KCNMA1: variants seen among roughly 807,000 people sequenced by gnomAD.
The protein encoded by KCNMA1 is potassium calcium-activated channel subfamily M alpha 1, also known as Calcium-activated potassium channel subunit alpha-1.
A neutral mutation model predicts 140.0 loss-of-function variants in KCNMA1; 29 were observed. The observed-to-expected ratio is 0.21, with a 90% CI of 0.15 to 0.28. The LOEUF (loss-of-function observed/expected upper bound fraction) is 0.28. Among genes scored for constraint, KCNMA1 ranks in the 10% least tolerant of loss-of-function variants. The pLI is 1.00. For synonymous variants in KCNMA1, 612 were observed against 611.9 expected (o/e 1.00, Z 0.00); for missense variants, 880 against 1,602.2 (o/e 0.55, Z 7.70).
chr10:76,968,305 C>T (rs1043879854), intron 20 of KCNMA1, among the ~76,000 whole-genome samples: 1 of 152,050 alleles, frequency 6.6e-6, no homozygotes, highest in Non-Finnish European at 1.5e-5. Flanking sequence ...TACCCAAGAG[C>T]CAACAGAATA....
At chr10:77,297,451 T>C (rs1016589359) in intron 2 of KCNMA1, among the ~76,000 whole-genome samples, 1 of 152,190 alleles carries the variant, frequency 6.6e-6, no homozygotes, top group Non-Finnish European at 1.5e-5. Context: ...CTTTTATCAT[T>C]TTCCTTCATT....
chr10:77,224,237 C>T (rs73282123), intron 3 of KCNMA1, among the ~76,000 whole-genome samples: 2,574 of 152,324 alleles, frequency 0.017, 68 homozygotes, highest in African/African-American at 0.058. Context: ...CAAGGTGTGA[C>T]CTAGGCCCAT....
intron 1 of KCNMA1, among the ~76,000 whole-genome samples, chr10:77,549,009 A>C (rs117250558): frequency 0.013 from 2,011 of 152,302 alleles, 24 homozygotes; most frequent in Admixed American, 0.03. Flanking sequence ...TGGTGATGCT[A>C]TCTTCCCACT....
intron 12 of KCNMA1, 97 bp downstream of exon 12, chr10:77,084,540 G>A (rs995854766): frequency 6.6e-6 from 6 of 913,492 alleles, no homozygotes; most frequent in Admixed American, 2.0e-5. Flanking sequence ...GGGGCAAAAA[G>A]GCCTCATAGA....
chr10:77,619,715 A>G (rs1057180273), intron 1 of KCNMA1, among the ~76,000 whole-genome samples: 25 of 152,174 alleles, frequency 1.6e-4, no homozygotes, highest in Non-Finnish European at 2.9e-4. Context: ...AGCTGTCTGC[A>G]GAGGAGACAG....
intron 29 of KCNMA1, among the ~76,000 whole-genome samples, chr10:76,879,454 T>G (rs1425093980): frequency 6.6e-6 from 1 of 152,108 alleles, no homozygotes; most frequent in Non-Finnish European, 1.5e-5. Context: ...GCTAACTGAT[T>G]AAGTGCTTTA....
intron 24 of KCNMA1, chr10:76,910,418 G>C: frequency 2.8e-6 from 1 of 353,250 alleles, no homozygotes; most frequent in Admixed American, 3.8e-5. Context: ...ACACTTTCCA[G>C]TGTTTTTTGG....
chr10:77,193,218 C>T (rs2039214293), intron 3 of KCNMA1, among the ~76,000 whole-genome samples: 1 of 152,178 alleles, frequency 6.6e-6, no homozygotes, highest in Non-Finnish European at 1.5e-5. Flanking sequence ...ATGTCCAAGA[C>T]AACCTACCCA....
intron 25 of KCNMA1, chr10:76,904,227 C>T (rs1426550336): frequency 6.6e-6 from 1 of 152,216 alleles, no homozygotes; most frequent in Non-Finnish European, 1.5e-5. Context: ...CCAGAAGCTA[C>T]AAGTCCTAAT....
At chr10:76,889,200 G>T (rs2038805450) in intron 27 of KCNMA1, among the ~76,000 whole-genome samples, 1 of 152,180 alleles carries the variant, frequency 6.6e-6, no homozygotes, top group Admixed American at 6.5e-5. Flanking sequence ...TCAGACTTTT[G>T]TAATTAGGTG....
chr10:77,443,694 G>A (rs2097458684), intron 1 of KCNMA1, among the ~76,000 whole-genome samples: 1 of 152,158 alleles, frequency 6.6e-6, no homozygotes, highest in African/African-American at 2.4e-5. Flanking sequence ...TTCAGAAATG[G>A]CAACATCTGA....
rs569210384 is a variant in KCNMA1 at position 77,433,246 on chromosome 10, G to A, written c.379-29223C>T. Among the ~76,000 whole-genome samples the A allele has an allele frequency of 4.6e-5, 7 of 152,140 alleles. No homozygotes were observed. In the East Asian group the frequency reaches 9.7e-4, roughly 21 times the overall value. ...CCGCTCACTGCAACATCCACCTCCCGGGTTCAAGCAATTCTCACGCCTCAG... is the reference window on the plus strand; with the variant it reads ...CCGCTCACTGCAACATCCACCTCCCAGGTTCAAGCAATTCTCACGCCTCAG... On this transcript the variant is annotated intron_variant, in intron 1 of 27. Transcript: ENST00000286628.
Position 77,251,224 on chromosome 10 carries a change from T to C in KCNMA1, c.573A>G (p.Ala191=), listed in dbSNP as rs1482018453. The stretch of plus-strand genomic sequence containing the variant: ...ATGAATCTATGAAGTATATTACAAG[T>C]GCACCGATGCTGAGAGCAAAGACTA... ...VVLVFALSIG[A]LVIYFIDSSN... is the part of the protein sequence containing the mutation. Residue 191 remains alanine (A), a synonymous_variant, in exon 3 of 28, where the codon GCA becomes GCG. Transcript: ENST00000286628. 6.2e-7 allele frequency: 1 copy of C among 1,612,438 alleles called. No homozygotes were observed.
intron 5 of KCNMA1, among the ~76,000 whole-genome samples, chr10:77,139,265 C>T (rs2098118109): frequency 6.6e-6 from 1 of 152,200 alleles, no homozygotes; most frequent in African/African-American, 2.4e-5. Flanking sequence ...CATTTGGTCT[C>T]TTCTCTCTAG....
At chr10:77,109,970 G>A (rs1005427349) in intron 8 of KCNMA1, among the ~76,000 whole-genome samples, 26 of 152,286 alleles carry the variant, frequency 1.7e-4, no homozygotes, top group African/African-American at 6.0e-4. Flanking sequence ...AGGGCAATGT[G>A]CCTGGATCTA....
chr10:77,116,075 G>A (rs1231994959), intron 6 of KCNMA1, among the ~76,000 whole-genome samples: 1 of 152,180 alleles, frequency 6.6e-6, no homozygotes, highest in Non-Finnish European at 1.5e-5. Context: ...CAAGCCCAGG[G>A]ATCTGGGCCA....
intron 10 of KCNMA1, among the ~76,000 whole-genome samples, chr10:77,087,620 A>G (rs1464101215): frequency 6.6e-6 from 1 of 152,152 alleles, no homozygotes; most frequent in Non-Finnish European, 1.5e-5. Context: ...TGATTCACAC[A>G]CATGTATGCG....
At chr10:77,036,595 C>T (rs138253140) in intron 15 of KCNMA1, among the ~76,000 whole-genome samples, 234 of 152,308 alleles carry the variant, frequency 1.5e-3, no homozygotes, top group African/African-American at 5.4e-3. Flanking sequence ...CTTTATGATA[C>T]CCAGAATATT....
chr10:77,004,506 A>G (rs80034121), intron 18 of KCNMA1, among the ~76,000 whole-genome samples: 7,307 of 152,254 alleles, frequency 0.048, 222 homozygotes, highest in Non-Finnish European at 0.067. Context: ...GGAGCGATTC[A>G]TCAGGCTTGA....
Sources: allele counts gnomAD v4.1 joint callset (sites outside exome capture counted in the v4.1 genomes callset), GRCh38; gene constraint gnomAD v4.1.1; transcripts MANE v1.5; gene names NCBI Gene and HGNC (gene_info 2026-07-23, HGNC 2026-07-21).